The following LPCAT1 variants were observed in gnomAD, a reference collection of about 807,000 sequenced individuals.
LPCAT1 encodes the protein 1-acylglycerol-3-phosphate O-acyltransferase.
LPCAT1 carries 23 observed loss-of-function variants against 60.9 expected under a neutral mutation model. That is an observed-to-expected ratio of 0.38 (90% CI 0.27 to 0.53). The LOEUF is 0.53. Ranked by LOEUF, LPCAT1 falls within the 20% of genes least tolerant of loss-of-function variation. The pLI is 0.82. For missense variants in LPCAT1, 622 were observed against 723.6 expected (o/e 0.86, Z 1.61); for synonymous variants, 340 against 301.1 (o/e 1.13, Z -1.34).
Position 1,502,991 on chromosome 5 carries a change from G to A in LPCAT1, c.136-1388C>T, listed in dbSNP as rs1412746029. Among the ~76,000 whole-genome samples, 1 of 152,192 alleles carries A rather than the reference G, an allele frequency of 6.6e-6. No individual in the cohort carries two copies. Among genetic ancestry groups the A allele is most frequent in the Non-Finnish European group, 1.5e-5 (1 of 68,038 alleles). Reference sequence around the variant, plus strand: ...TCGACACGTACTCAACGTAGAAGTTGCTACTGGCTAGTTTGCATTTTCTCC... The same window carrying A: ...TCGACACGTACTCAACGTAGAAGTTACTACTGGCTAGTTTGCATTTTCTCC... On this transcript the variant is annotated intron_variant, in intron 1 of 13. Transcript: ENST00000283415. This position sits in a 1 kb window ranked among gnomAD's most constrained non-coding sequence, Gnocchi z 5.5.
intron 1 of LPCAT1, among the ~76,000 whole-genome samples, chr5:1,506,275 G>T (rs1736184424): frequency 6.6e-6 from 1 of 152,334 alleles, no homozygotes; most frequent in Non-Finnish European, 1.5e-5. Context: ...CCACCGATCT[G>T]CCTTCACCTC....
At position 1,496,133 on chromosome 5, in the gene LPCAT1, G is replaced by A. The variant is rs931400817; in HGVS notation, c.279-1219C>T. Among the ~76,000 whole-genome samples the A allele has an allele frequency of 2.0e-5, 3 of 152,220 alleles. No homozygotes were observed. Among genetic ancestry groups the A allele is most frequent in the Admixed American group, 6.5e-5 (1 of 15,286 alleles). On this transcript the variant is annotated intron_variant, in intron 2 of 13. Coordinates refer to ENST00000283415, the MANE Select transcript of LPCAT1 (RefSeq NM_024830.5). The surrounding 1 kb of genome is among the most constrained non-coding windows in gnomAD (Gnocchi z 4.7). ...CACAGCACTTTGGGAGGCCAAGGCAGGTGGATCACTTGAGGTCAGGAGCTC... is the reference window on the plus strand; with the variant it reads ...CACAGCACTTTGGGAGGCCAAGGCAAGTGGATCACTTGAGGTCAGGAGCTC...
rs1197398111 is a variant in LPCAT1 at position 1,522,001 on chromosome 5, GCCTCCGGGGA to G, written c.135+1699_135+1708del. Among the ~76,000 whole-genome samples, 2 of 152,330 alleles carry G rather than the reference GCCTCCGGGGA, an allele frequency of 1.3e-5. No individual in the cohort carries two copies. Among genetic ancestry groups the G allele is most frequent in the African/African-American group, 4.8e-5 (2 of 41,572 alleles). On this transcript the variant is annotated intron_variant, in intron 1 of 13. Transcript: ENST00000283415. This position sits in a 1 kb window ranked among gnomAD's most constrained non-coding sequence, Gnocchi z 6.8. ...CAACTATGACAGGGATGACGAAGTG[GCCTCCGGGGA>G]CCTCCAGGGAGGGGCTTGATGTTTC...
At chr5:1,479,353 C>A in intron 8 of LPCAT1, 1 of 489,982 alleles carries the variant, frequency 2.0e-6, no homozygotes. Flanking sequence ...CCAGCCTGGG[C>A]AACAGAGCAA....
At chr5:1,474,475 CT>C in intron 10 of LPCAT1, 84 bp downstream of exon 10, 1 of 1,512,796 alleles carries the variant, frequency 6.6e-7, no homozygotes, top group Non-Finnish European at 9.0e-7. Flanking sequence ...CTCAGTTCCC[CT>C]CCCTGCAACC....
At chr5:1,514,112 A>C (rs1056100687) in intron 1 of LPCAT1, among the ~76,000 whole-genome samples, 2 of 152,246 alleles carry the variant, frequency 1.3e-5, no homozygotes, top group Admixed American at 6.5e-5. Context: ...GCCCGAGAGC[A>C]GAACCCCCAC....
rs370701157 is a variant in LPCAT1, at chr5:1,489,694, C to T, written c.606+52G>A. 3.5e-5 allele frequency: 47 copies of T among 1,333,224 alleles called. No homozygotes were observed. The African/African-American group carries it at 4.9e-4, about 14-fold the overall frequency. The allele number at this position is 1,333,224 out of a possible 1,614,324, so 82.6% of individuals were successfully genotyped here. A position where few individuals can be genotyped will look rare whatever the true frequency, so the allele number is the denominator to read the frequency against. On this transcript the variant is annotated intron_variant, in intron 4 of 13. Coordinates refer to ENST00000283415, the MANE Select transcript of LPCAT1 (RefSeq NM_024830.5). ...TTTCTTTCTCCCCACTCGCGAAGTT[C>T]GCATCTTTCGGAATAAAACCACTGA... is the stretch of plus-strand genomic sequence containing the variant.
At chr5:1,466,554 G>C (rs767380396) in intron 13 of LPCAT1, among the ~76,000 whole-genome samples, 195 bp downstream of exon 13, 48 of 152,178 alleles carry the variant, frequency 3.2e-4, no homozygotes, top group Non-Finnish European at 6.8e-4. Context: ...AATCAGATTG[G>C]AAAGCTCCCT....
At chr5:1,509,603 A>G (rs1418455351) in intron 1 of LPCAT1, among the ~76,000 whole-genome samples, 1 of 151,990 alleles carries the variant, frequency 6.6e-6, no homozygotes, top group East Asian at 1.9e-4. Flanking sequence ...GGAATCACCC[A>G]CTCCCGTCCA....
chr5:1,478,191 C>G (rs1735000724), intron 8 of LPCAT1, among the ~76,000 whole-genome samples: 1 of 152,260 alleles, frequency 6.6e-6, no homozygotes. Context: ...CTGAGTGACA[C>G]TTACACAGCA....
At chr5:1,493,406 C>A (rs1735662301) in intron 3 of LPCAT1, among the ~76,000 whole-genome samples, 2 of 152,272 alleles carry the variant, frequency 1.3e-5, no homozygotes, top group Non-Finnish European at 2.9e-5. Flanking sequence ...TGTCCCCACC[C>A]AGTCCATACT....
Position 1,481,776 on chromosome 5 carries a change from C to T in LPCAT1, c.727-800G>A, listed in dbSNP as rs1291877781. Among the ~76,000 whole-genome samples, 1 of 152,270 alleles carries T rather than the reference C, an allele frequency of 6.6e-6. No homozygotes were observed. Reference sequence around the variant, plus strand: ...GCGGAGGCAGGAAGGGGCCCTTGGCCAGGAGCCTGGCTGACAAACGCACGC... The same window carrying T: ...GCGGAGGCAGGAAGGGGCCCTTGGCTAGGAGCCTGGCTGACAAACGCACGC... On this transcript the variant is annotated intron_variant, in intron 6 of 13. Transcript: ENST00000283415. This position sits in a 1 kb window ranked among gnomAD's most constrained non-coding sequence, Gnocchi z 7.8.
chr5:1,517,513 C>T (rs754934996), intron 1 of LPCAT1, among the ~76,000 whole-genome samples: 3 of 152,172 alleles, frequency 2.0e-5, no homozygotes, highest in Admixed American at 6.5e-5. Context: ...CACTCAAGGG[C>T]GCTCTGCCCC....
intron 2 of LPCAT1, among the ~76,000 whole-genome samples, chr5:1,499,742 T>C (rs886610069): frequency 5.3e-5 from 8 of 152,190 alleles, no homozygotes; most frequent in African/African-American, 1.9e-4. Flanking sequence ...TGCCCTCTCC[T>C]ATGACTGCAC....
At chr5:1,492,028 T>A in intron 3 of LPCAT1, among the ~76,000 whole-genome samples, 1 of 145,950 alleles carries the variant, frequency 6.9e-6, no homozygotes, top group Non-Finnish European at 1.5e-5. Flanking sequence ...AGGGGAGATG[T>A]CTCTGAGCTG....
At position 1,483,499 on chromosome 5, in the gene LPCAT1, G is replaced by A; in HGVS notation, c.668-13C>T. The A allele has an allele frequency of 1.9e-6, 3 of 1,613,540 alleles. No individual in the cohort carries two copies. Among genetic ancestry groups the A allele is most frequent in the Non-Finnish European group, 1.7e-6 (2 of 1,179,820 alleles). Reference sequence around the variant, plus strand: ...GGGATGAATGCACCTGCCGAGAAAGGAACAGCGGTGTTGCCCATGGCAGCC... The same window carrying A: ...GGGATGAATGCACCTGCCGAGAAAGAAACAGCGGTGTTGCCCATGGCAGCC... On this transcript the variant is annotated splice_polypyrimidine_tract_variant and intron_variant, in intron 5 of 13. Transcript: ENST00000283415. The surrounding 1 kb of genome is among the most constrained non-coding windows in gnomAD (Gnocchi z 9.2).
chr5:1,501,437 G>C, intron 2 of LPCAT1, 24 bp downstream of exon 2: 3 of 1,592,488 alleles, frequency 1.9e-6, no homozygotes, highest in Non-Finnish European at 2.6e-6. Context: ...CCCAGGAGGA[G>C]AGCACGGCAC....
At chr5:1,503,017 C>T (rs1266636348) in intron 1 of LPCAT1, among the ~76,000 whole-genome samples, 1 of 152,162 alleles carries the variant, frequency 6.6e-6, no homozygotes, top group African/African-American at 2.4e-5. Flanking sequence ...CATTTTCTCC[C>T]GCTGTCTTGG....
chr5:1,523,616 C>A lies in LPCAT1; in HGVS notation c.135+94G>T. 3 of 885,886 alleles carry A rather than the reference C, an allele frequency of 3.4e-6. No individual in the cohort carries two copies. The highest frequency in any genetic ancestry group is 4.1e-6 in the Non-Finnish European group (3 of 731,776). The allele number at this position is 885,886 out of a possible 1,614,324, so 54.9% of individuals were successfully genotyped here. ...TCGCAGGGCCGCGCCGCGCCCCAGG[C>A]CCCCTCCCCGGCCCCTCCTCGGCCG... is the stretch of plus-strand genomic sequence containing the variant. On this transcript the variant is annotated intron_variant, in intron 1 of 13. Transcript: ENST00000283415. The surrounding 1 kb of genome is among the most constrained non-coding windows in gnomAD (Gnocchi z 7.1).
Sources: gnomAD v4.1 joint callset for allele counts (sites outside exome capture counted in the v4.1 genomes callset) on GRCh38, gnomAD v4.1.1 for gene constraint, Gnocchi (gnomAD v3.1) non-coding constraint, MANE v1.5 for transcripts, NCBI Gene and HGNC (gene_info 2026-07-23, HGNC 2026-07-21) for gene names.